The following PLEKHH2 variants were observed in gnomAD, a reference collection of about 807,000 sequenced individuals.
PLEKHH2 encodes the protein pleckstrin homology domain-containing family H member 2.
PLEKHH2 carries 129 observed loss-of-function variants against 187.9 expected under a neutral mutation model. That is an observed-to-expected ratio of 0.69 (90% CI 0.59 to 0.79). The LOEUF (loss-of-function observed/expected upper bound fraction) is 0.79. Ranked by LOEUF, PLEKHH2 falls within the 30% of genes least tolerant of loss-of-function variation. The pLI, the probability that PLEKHH2 is intolerant of heterozygous loss-of-function variation, is 0.00. For synonymous variants in PLEKHH2, 686 were observed against 605.6 expected, an observed-to-expected ratio of 1.13 and a Z score of -1.95; for missense variants, 2,076 against 1,751.2, an observed-to-expected ratio of 1.19 and a Z score of -3.31.
chr2:43,647,426 T>A (rs1666234129), intron 2 of PLEKHH2, among the ~76,000 whole-genome samples: 1 of 152,198 alleles, frequency 6.6e-6, no homozygotes, highest in Admixed American at 6.5e-5. Context: ...AAGGCTTAGC[T>A]ATCAGCCTAT....
chr2:43,681,194 A>G (rs1464882746), intron 3 of PLEKHH2: 3 of 676,814 alleles, frequency 4.4e-6, no homozygotes, highest in Non-Finnish European at 7.8e-6. Flanking sequence ...TATTCCTCAA[A>G]GAATACAGAA....
intron 3 of PLEKHH2, chr2:43,679,415 A>G: frequency 3.5e-6 from 1 of 289,176 alleles, no homozygotes; most frequent in South Asian, 2.8e-5. Context: ...GTTAAAAAAA[A>G]AGGCTGAGAG....
At chr2:43,668,925 C>G (rs542629213) in intron 2 of PLEKHH2, among the ~76,000 whole-genome samples, 1 of 152,124 alleles carries the variant, frequency 6.6e-6, no homozygotes, top group Non-Finnish European at 1.5e-5. Flanking sequence ...ATATTATGCA[C>G]AAAGGTGGGG....
intron 2 of PLEKHH2, among the ~76,000 whole-genome samples, chr2:43,677,850 CCGGA>C (rs1667911733): frequency 6.8e-6 from 1 of 147,948 alleles, no homozygotes; most frequent in Non-Finnish European, 1.5e-5. Flanking sequence ...CACCTCCCTC[CCGGA>C]CGGGGCGGCT....
chr2:43,713,660 G>GTTTT (rs71410202), intron 15 of PLEKHH2, among the ~76,000 whole-genome samples: 2 of 133,988 alleles, frequency 1.5e-5, no homozygotes, highest in Non-Finnish European at 3.2e-5. Flanking sequence ...GCTTAATTCT[G>GTTTT]TTTTTTTTTT....
chr2:43,662,391 T>C (rs1053197122), intron 2 of PLEKHH2, among the ~76,000 whole-genome samples: 2 of 6,452 alleles, frequency 3.1e-4, no homozygotes, highest in Admixed American at 1.6e-3. Context: ...TGGGGTTTTC[T>C]AGATAAACAA....
chr2:43,679,629 G>T (rs557942801), intron 3 of PLEKHH2: 5 of 267,552 alleles, frequency 1.9e-5, no homozygotes, highest in African/African-American at 9.5e-5. Flanking sequence ...CTGAATAACT[G>T]GGATTACAGG....
rs1191367626 is a variant in PLEKHH2, at chr2:43,767,078, T to A, written c.*1480T>A. ...ATAAAAATGAAACTGTGATAAGACA[T>A]GAAAATTATATTATTAAAATGTTCA... On this transcript the variant is annotated 3_prime_UTR_variant, in exon 30 of 30. Transcript: ENST00000282406. 6.5e-6 allele frequency: 1 copy of A among 152,754 alleles called. No individual in the cohort carries two copies. The highest frequency in any genetic ancestry group is 1.9e-4 in the East Asian group (1 of 5,334). 9.5% of individuals were successfully genotyped at this position (152,754 alleles called of 1,614,324 possible).
chr2:43,680,914 A>G, intron 3 of PLEKHH2: 1 of 664,800 alleles, frequency 1.5e-6, no homozygotes, highest in Non-Finnish European at 2.6e-6. Context: ...CCTGGTTGAA[A>G]TTTATGTCCA....
chr2:43,645,502 C>T (rs1315491406), intron 2 of PLEKHH2, among the ~76,000 whole-genome samples: 3 of 152,088 alleles, frequency 2.0e-5, no homozygotes, highest in African/African-American at 7.2e-5. Context: ...AATGCAGTAG[C>T]CACTAGCCAC....
intron 3 of PLEKHH2, 60 bp downstream of exon 3, chr2:43,678,985 T>C: frequency 1.7e-6 from 2 of 1,166,522 alleles, no homozygotes; most frequent in Non-Finnish European, 2.5e-6. Flanking sequence ...AAGATTGTTT[T>C]GCTCATAATG....
chr2:43,709,920 G>T, intron 11 of PLEKHH2, 70 bp from the exon 12 acceptor site: 1 of 1,379,452 alleles, frequency 7.2e-7, no homozygotes, highest in Non-Finnish European at 9.9e-7. Flanking sequence ...TTCTGTAGGA[G>T]CACTCAGAGC....
chr2:43,697,319 G>A lies in PLEKHH2; in HGVS notation c.651G>A (p.Ser217=), dbSNP rs148501101. ...VKSEEMSKIS[S]KEPEFTEGKD... is the part of the protein sequence containing the mutation. Reference sequence around the variant, plus strand: ...CTGAGGAAATGAGCAAGATATCATCGAAAGAACCTGAGTTCACTGAAGGAA... The same window carrying A: ...CTGAGGAAATGAGCAAGATATCATCAAAAGAACCTGAGTTCACTGAAGGAA... Residue 217 remains serine (S), a synonymous_variant, in exon 7 of 30, where the codon TCG becomes TCA. Coordinates refer to ENST00000282406, the MANE Select transcript of PLEKHH2 (RefSeq NM_172069.4). 2.0e-4 allele frequency: 322 copies of A among 1,613,138 alleles called. No individual in the cohort carries two copies. In the African/African-American group the frequency reaches 3.6e-3, roughly 18 times the overall value.
In PLEKHH2 at chr2:43,740,934, C is replaced by G. The variant is rs1276154272; in HGVS notation, c.3124-12C>G. 6.2e-7 allele frequency: 1 copy of G among 1,612,672 alleles called. No individual in the cohort carries two copies. Among genetic ancestry groups the G allele is most frequent in the Non-Finnish European group, 8.5e-7 (1 of 1,179,416 alleles). Reference sequence around the variant, plus strand: ...ACGTGGTATCTAACCTGTGGTGCTTCTCCCTGCCCAGGGCTGGCAGCTCTT... The same window carrying G: ...ACGTGGTATCTAACCTGTGGTGCTTGTCCCTGCCCAGGGCTGGCAGCTCTT... On this transcript the variant is annotated splice_polypyrimidine_tract_variant and intron_variant, in intron 20 of 29. Transcript: ENST00000282406.
intron 24 of PLEKHH2, among the ~76,000 whole-genome samples, chr2:43,747,273 C>G (rs1355490865): frequency 1.3e-5 from 2 of 151,880 alleles, no homozygotes; most frequent in Non-Finnish European, 2.9e-5. Context: ...TGGGCATATC[C>G]TCACTCTAAT....
chr2:43,743,617 G>T (rs1671661346), intron 22 of PLEKHH2, among the ~76,000 whole-genome samples: 1 of 152,108 alleles, frequency 6.6e-6, no homozygotes, highest in African/African-American at 2.4e-5. Flanking sequence ...ATTCATGTCT[G>T]TTGGCTGAAG....
rs555962227 is a variant in PLEKHH2 at position 43,742,760 on chromosome 2, G to A, written c.3241G>A (p.Ala1081Thr). 18 of 1,574,648 alleles carry A rather than the reference G, an allele frequency of 1.1e-5. No individual in the cohort carries two copies. The highest frequency in any genetic ancestry group is 1.5e-5 in the Non-Finnish European group (17 of 1,164,502). Residue 1081 changes from alanine to threonine, a missense_variant, in exon 22 of 30, where the codon GCC (alanine) becomes ACC (threonine). Ala to Thr is a moderately conservative substitution (Grantham distance 58, BLOSUM62 0). Transcript: ENST00000282406. Reference sequence around the variant, plus strand: ...TTACAGGACAGAATTTGGAAAATATGCCATTTACTGCCAGCGTTGTGTAGA... The same window carrying A: ...TTACAGGACAGAATTTGGAAAATATACCATTTACTGCCAGCGTTGTGTAGA... ...ADSRTEFGKY[A>T]IYCQRCVERT...
chr2:43,682,509 G>A (rs1259304626), intron 3 of PLEKHH2, among the ~76,000 whole-genome samples: 1 of 152,126 alleles, frequency 6.6e-6, no homozygotes, highest in African/African-American at 2.4e-5. Flanking sequence ...GTTTCACCAT[G>A]TTGGCCAGGC....
chr2:43,697,450 T>A (rs759655942), intron 7 of PLEKHH2, 94 bp downstream of exon 7: 128 of 1,045,148 alleles, frequency 1.2e-4, no homozygotes, highest in Non-Finnish European at 1.7e-4. Flanking sequence ...TTTTCCTTAT[T>A]TTTTTCTGAC....
Sources: allele counts gnomAD v4.1 joint callset (sites outside exome capture counted in the v4.1 genomes callset), GRCh38; gene constraint gnomAD v4.1.1; transcripts MANE v1.5; gene names NCBI Gene and HGNC (gene_info 2026-07-23, HGNC 2026-07-21).